RNF207: variants seen among roughly 807,000 people sequenced by gnomAD.
RNF207 encodes ring finger protein 207, also known as OTTHUMG00000001089.
A neutral mutation model predicts 79.0 loss-of-function variants in RNF207; 72 were observed. The observed-to-expected ratio is 0.91, with a 90% CI of 0.75 to 1.11. The LOEUF (loss-of-function observed/expected upper bound fraction) is 1.11, where lower values mean the gene tolerates loss of function less well. Ranked by LOEUF, RNF207 falls within the 50% of genes least tolerant of loss-of-function variation. The probability of loss-of-function intolerance (pLI) is 0.00; values close to 1 mark genes in which losing one functional copy is unlikely to be tolerated. For missense variants in RNF207, 936 were observed against 855.8 expected (o/e 1.09, Z -1.17); for synonymous variants, 348 against 366.2 (o/e 0.95, Z 0.57).
rs1450885405 is a variant in RNF207 at position 6,209,395 on chromosome 1, G to C, written c.628-19G>C. ...GCCGCGCGGCGGCGATCGCGAGCCT[G>C]ACCACGCCCTGTCCCCAGGCCGTGA... On this transcript the variant is annotated intron_variant, in intron 6 of 17. Transcript: ENST00000377939. 3.9e-6 allele frequency: 6 copies of C among 1,524,328 alleles called. No individual in the cohort carries two copies. The highest frequency in any genetic ancestry group is 2.8e-5 in the African/African-American group (2 of 71,170). The allele number at this position is 1,524,328 out of a possible 1,614,324, so 94.4% of individuals were successfully genotyped here. A position where few individuals can be genotyped will look rare whatever the true frequency, so the allele number is the denominator to read the frequency against.
intron 2 of RNF207, 126 bp downstream of exon 2, chr1:6,206,852 G>A: frequency 1.4e-6 from 1 of 725,476 alleles, no homozygotes; most frequent in Non-Finnish European, 2.2e-6. Context: ...ACGACTGGGA[G>A]ATACTGCACC....
In RNF207 at chr1:6,211,201, C is replaced by A; in HGVS notation, c.1109+83C>A. 1.1e-6 allele frequency: 1 copy of A among 912,862 alleles called. No individual in the cohort carries two copies. The highest frequency in any genetic ancestry group is 1.6e-6 in the Non-Finnish European group (1 of 606,702). 56.5% of individuals were successfully genotyped at this position (912,862 alleles called of 1,614,324 possible). A position where few individuals can be genotyped will look rare whatever the true frequency, so the allele number is the denominator to read the frequency against. ...GGTGGGCGCTGAGGGGCCAGATCGC[C>A]AGCAAGAAGCCAGGTGCCACCATTC... On this transcript the variant is annotated intron_variant, in intron 12 of 17. Coordinates refer to ENST00000377939, the MANE Select transcript of RNF207 (RefSeq NM_207396.3). The surrounding 1 kb of genome is among the most constrained non-coding windows in gnomAD (Gnocchi z 4.2).
rs1244492484 is a variant in RNF207, at chr1:6,221,244, A to ATCTGTG, written c.*1838_*1843dup. 2 of 152,662 alleles carry ATCTGTG rather than the reference A, an allele frequency of 1.3e-5. No homozygotes were observed. The highest frequency in any genetic ancestry group is 2.9e-5 in the Non-Finnish European group (2 of 68,046). 9.5% of individuals were successfully genotyped at this position (152,662 alleles called of 1,614,324 possible). On this transcript the variant is annotated 3_prime_UTR_variant, in exon 18 of 18. Transcript: ENST00000377939. Reference sequence around the variant, plus strand: ...TTAAGAACTGGAAAGAATAATCAGTATCTGTGAAAGAAAATCCAATTTAGA... The same window carrying ATCTGTG: ...TTAAGAACTGGAAAGAATAATCAGTATCTGTGTCTGTGAAAGAAAATCCAATTTAGA...
At position 6,207,828 on chromosome 1, in the gene RNF207, G is replaced by A; in HGVS notation, c.324+317G>A. ...AGGGGCAGTCCAGTTTGCAGGCCTG[G>A]GCCGACCCTGAAGGGCCTCTGCTAC... On this transcript the variant is annotated intron_variant, in intron 3 of 17. Coordinates refer to ENST00000377939, the MANE Select transcript of RNF207 (RefSeq NM_207396.3). This position sits in a 1 kb window ranked among gnomAD's most constrained non-coding sequence, Gnocchi z 4.5. The A allele has an allele frequency of 3.6e-6, 2 of 551,482 alleles. No individual in the cohort carries two copies. Among genetic ancestry groups the A allele is most frequent in the South Asian group, 1.6e-5 (1 of 61,310 alleles). The allele number at this position is 551,482 out of a possible 1,614,324, so 34.2% of individuals were successfully genotyped here. A position where few individuals can be genotyped will look rare whatever the true frequency, so the allele number is the denominator to read the frequency against.
intron 2 of RNF207, 142 bp downstream of exon 2, chr1:6,206,868 C>T (rs948709141): frequency 1.5e-6 from 1 of 658,982 alleles, no homozygotes. Context: ...GCACCCGGTC[C>T]TTAGCTCTCC....
intron 13 of RNF207, 22 bp downstream of exon 13, chr1:6,212,075 G>A (rs182250060): frequency 2.4e-5 from 37 of 1,572,594 alleles, no homozygotes; most frequent in Middle Eastern, 1.7e-4. Context: ...GGGATCTGCC[G>A]GAGGGGGGAG....
At chr1:6,208,559 G>C (rs1668008058) in intron 3 of RNF207, 2 of 312,046 alleles carry the variant, frequency 6.4e-6, no homozygotes, top group Non-Finnish European at 1.2e-5. Context: ...CGCCCGCCTC[G>C]GCCTCCCAAA....
In RNF207 at chr1:6,220,859, A is replaced by T. The variant is rs1230103967; in HGVS notation, c.*1452A>T. 1 of 152,172 alleles carries T rather than the reference A, an allele frequency of 6.6e-6. No homozygotes were observed. The highest frequency in any genetic ancestry group is 1.5e-5 in the Non-Finnish European group (1 of 68,042). 9.4% of individuals were successfully genotyped at this position (152,172 alleles called of 1,614,324 possible). On this transcript the variant is annotated 3_prime_UTR_variant, in exon 18 of 18. Coordinates refer to ENST00000377939, the MANE Select transcript of RNF207 (RefSeq NM_207396.3). ...GGCAAAATGATGCCCAGATAGTCACATTTAAGCAAATATTCAGCTTGATTC... is the reference window on the plus strand; with the variant it reads ...GGCAAAATGATGCCCAGATAGTCACTTTTAAGCAAATATTCAGCTTGATTC...
In RNF207 at chr1:6,212,341, C is replaced by A. The variant is rs751420929; in HGVS notation, c.1407C>A (p.His469Gln). 2 of 1,613,980 alleles carry A rather than the reference C, an allele frequency of 1.2e-6. No individual in the cohort carries two copies. The highest frequency in any genetic ancestry group is 1.7e-6 in the Non-Finnish European group (2 of 1,180,002). The change falls in exon 14 of 18, where the codon CAC (histidine) becomes CAA (glutamine). Residue 469 changes from histidine to glutamine, a missense_variant. Transcript: ENST00000377939. ...CGGAGATCATGGGAGACGTCCTGCA[C>A]AAGTCCCTGCAACTGGACGTGCAGA... ...IKAEIMGDVL[H>Q]KSLQLDVQIA...
chr1:6,214,559 C>T (rs1259314200), intron 16 of RNF207, among the ~76,000 whole-genome samples: 3 of 151,372 alleles, frequency 2.0e-5, no homozygotes, highest in Non-Finnish European at 2.9e-5. Flanking sequence ...CGTGCCAACA[C>T]GCCTGGCTAA....
intron 7 of RNF207, 70 bp from the exon 8 acceptor site, chr1:6,209,853 CG>C (rs957128008): frequency 3.5e-5 from 52 of 1,490,084 alleles, no homozygotes; most frequent in Admixed American, 1.3e-4. Flanking sequence ...GGCTGGGGTC[CG>C]GGGGGTAGGC....
rs1668516769 is a variant in RNF207, at chr1:6,220,570, G to A, written c.*1163G>A. 1 of 152,244 alleles carries A rather than the reference G, an allele frequency of 6.6e-6. No homozygotes were observed. Among genetic ancestry groups the A allele is most frequent in the Non-Finnish European group, 1.5e-5 (1 of 68,054 alleles). The allele number at this position is 152,244 out of a possible 1,614,324, so 9.4% of individuals were successfully genotyped here. ...CTTCTCTCCCTTTCCAGCAAGGGCAGAGCTCCTAAAGCCAGGGGTTAGCAC... is the reference window on the plus strand; with the variant it reads ...CTTCTCTCCCTTTCCAGCAAGGGCAAAGCTCCTAAAGCCAGGGGTTAGCAC... On this transcript the variant is annotated 3_prime_UTR_variant, in exon 18 of 18. Transcript: ENST00000377939.
intron 16 of RNF207, among the ~76,000 whole-genome samples, chr1:6,216,654 G>A (rs1041228398): frequency 1.2e-4 from 18 of 149,784 alleles, no homozygotes; most frequent in Non-Finnish European, 2.4e-4. Context: ...TCCGCCTCCC[G>A]GGTTCAAGCG....
At chr1:6,214,406 T>C (rs191797872) in intron 16 of RNF207, among the ~76,000 whole-genome samples, 262 of 152,006 alleles carry the variant, frequency 1.7e-3, no homozygotes, top group African/African-American at 5.9e-3. Context: ...ATATTTCTTT[T>C]TTTTTTTTCT....
intron 11 of RNF207, 24 bp from the exon 12 acceptor site, chr1:6,210,997 T>G (rs780573574): frequency 3.1e-6 from 5 of 1,601,610 alleles, no homozygotes; most frequent in Non-Finnish European, 4.3e-6. Context: ...GGAGGCCACC[T>G]CATGACCCCA....
At chr1:6,213,621 G>T (rs1026869005) in intron 16 of RNF207, among the ~76,000 whole-genome samples, 3 of 152,154 alleles carry the variant, frequency 2.0e-5, no homozygotes, top group Non-Finnish European at 4.4e-5. Flanking sequence ...ACAGTGAGTG[G>T]GCTGCTCTGA....
chr1:6,214,773 T>C (rs1400806386), intron 16 of RNF207, among the ~76,000 whole-genome samples: 2 of 151,018 alleles, frequency 1.3e-5, no homozygotes, highest in African/African-American at 4.9e-5. Flanking sequence ...TAGCTGGGAC[T>C]ACAGATGTGC....
chr1:6,207,239 AT>A lies in RNF207; in HGVS notation c.192-137del. On this transcript the variant is annotated intron_variant, in intron 2 of 17. Transcript: ENST00000377939. This position sits in a 1 kb window ranked among gnomAD's most constrained non-coding sequence, Gnocchi z 4.5. ...GGGCAGGGTGAGTGCTGGCTGTGAT[AT>A]TTATAGCAGACCCCAGAGCTGTGGT... 1 of 831,472 alleles carries A rather than the reference AT, an allele frequency of 1.2e-6. No homozygotes were observed. Among genetic ancestry groups the A allele is most frequent in the Non-Finnish European group, 1.8e-6 (1 of 559,560 alleles). 51.5% of individuals were successfully genotyped at this position (831,472 alleles called of 1,614,324 possible). A position where few individuals can be genotyped will look rare whatever the true frequency, so the allele number is the denominator to read the frequency against.
In RNF207 at chr1:6,207,426, G is replaced by T; in HGVS notation, c.239G>T (p.Arg80Leu). Residue 80 changes from arginine (R) to leucine (L), a missense_variant, in exon 3 of 18, where the codon CGG becomes CTG. By Grantham distance (102) the Arg-to-Leu change is moderately radical. Transcript: ENST00000377939. The surrounding 1 kb of genome is among the most constrained non-coding windows in gnomAD (Gnocchi z 4.5). The part of the protein sequence containing the change: ...KGPSGLPPVD[R>L]LLQFLVDSSG... ...CCCAGCGGGCTCCCGCCGGTGGACC[G>T]GCTGCTGCAGTTCCTGGTGGACAGC... 1 of 1,554,780 alleles carries T rather than the reference G, an allele frequency of 6.4e-7. No individual in the cohort carries two copies. Among genetic ancestry groups the T allele is most frequent in the Non-Finnish European group, 8.7e-7 (1 of 1,147,954 alleles).
Sources: gnomAD v4.1 joint callset for allele counts (sites outside exome capture counted in the v4.1 genomes callset) on GRCh38, gnomAD v4.1.1 for gene constraint, Gnocchi (gnomAD v3.1) non-coding constraint, MANE v1.5 for transcripts, NCBI Gene and HGNC (gene_info 2026-07-23, HGNC 2026-07-21) for gene names.